Variants in SUPT3H observed in about 807,000 individuals in gnomAD.
The protein encoded by SUPT3H is transcription initiation protein SPT3 homolog.
In SUPT3H, 44 loss-of-function variants were observed where a neutral mutation model predicts 44.3. The ratio of observed to expected loss-of-function variants is 0.99; its 90% CI spans 0.78 to 1.28. The LOEUF (loss-of-function observed/expected upper bound fraction) is 1.28. SUPT3H is among the 50% of genes most tolerant of loss of function. SUPT3H has a pLI of 0.00. For missense variants in SUPT3H, 380 were observed against 387.1 expected (o/e 0.98, Z 0.15); for synonymous variants, 124 against 125.6 (o/e 0.99, Z 0.09).
chr6:44,955,892 G>A (rs1372620086), intron 7 of SUPT3H, among the ~76,000 whole-genome samples: 2 of 151,896 alleles, frequency 1.3e-5, no homozygotes, highest in African/African-American at 4.8e-5. Context: ...AGGCCGACGC[G>A]GGCCGATCAC....
chr6:45,037,386 T>C (rs1319285161), intron 3 of SUPT3H, among the ~76,000 whole-genome samples: 2 of 151,500 alleles, frequency 1.3e-5, no homozygotes, highest in Non-Finnish European at 2.9e-5. Context: ...CAGTGGCTCA[T>C]GTCTGTAATC....
chr6:44,956,243 G>A (rs537090709), intron 7 of SUPT3H, among the ~76,000 whole-genome samples: 1 of 151,786 alleles, frequency 6.6e-6, no homozygotes, highest in Non-Finnish European at 1.5e-5. Context: ...CCAGCACTTC[G>A]GAAGGCCAAG....
chr6:44,938,612 T>C (rs1487301493), intron 9 of SUPT3H, among the ~76,000 whole-genome samples: 1 of 152,080 alleles, frequency 6.6e-6, no homozygotes, highest in African/African-American at 2.4e-5. Flanking sequence ...CTGTAAAAGA[T>C]GGGGTTGGTA....
At position 44,878,225 on chromosome 6, in the gene SUPT3H, G is replaced by T. The variant is rs375520010; in HGVS notation, c.913-48368C>A. Among the ~76,000 whole-genome samples the T allele has an allele frequency of 6.6e-5, 10 of 152,260 alleles. No homozygotes were observed. The East Asian group carries it at 1.2e-3, about 18-fold the overall frequency. On this transcript the variant is annotated intron_variant, in intron 10 of 10. Coordinates refer to ENST00000371459, the MANE Select transcript of SUPT3H (RefSeq NM_003599.4). Reference sequence around the variant, plus strand: ...GCAGTGTTGTAACAAGGTTTTATTTGAAATTGTTTTCTAAAATGTGATGCA... The same window carrying T: ...GCAGTGTTGTAACAAGGTTTTATTTTAAATTGTTTTCTAAAATGTGATGCA...
chr6:45,179,061 C>T (rs879365983), intron 2 of SUPT3H, among the ~76,000 whole-genome samples: 93 of 152,136 alleles, frequency 6.1e-4, no homozygotes, highest in Non-Finnish European at 1.0e-3. Context: ...CCACCGATCC[C>T]ACAGAAATAC....
intron 5 of SUPT3H, among the ~76,000 whole-genome samples, chr6:45,010,718 C>T (rs1176956861): frequency 1.3e-5 from 2 of 152,010 alleles, no homozygotes; most frequent in African/African-American, 4.8e-5. Flanking sequence ...CTCAGAAATG[C>T]CCTAATCATA....
chr6:44,964,055 C>T (rs768142554), intron 6 of SUPT3H, among the ~76,000 whole-genome samples: 1 of 151,914 alleles, frequency 6.6e-6, no homozygotes, highest in South Asian at 2.1e-4. Flanking sequence ...ACTGATAATA[C>T]TAACGTTAAT....
chr6:45,346,007 T>C (rs16873348), intron 2 of SUPT3H, among the ~76,000 whole-genome samples: 17,216 of 152,094 alleles, frequency 0.11, 1,371 homozygotes, highest in East Asian at 0.26. Context: ...TACCTACAAA[T>C]CTCTACAGGG....
intron 11 of SUPT3H, among the ~76,000 whole-genome samples, chr6:44,819,498 T>C (rs1767130672): frequency 7.1e-6 from 1 of 140,676 alleles, no homozygotes; most frequent in African/African-American, 2.6e-5. Context: ...TTTTTTTTTT[T>C]TAAAGAAACA....
chr6:44,960,435 A>G (rs1775856168), intron 7 of SUPT3H, among the ~76,000 whole-genome samples: 2 of 150,438 alleles, frequency 1.3e-5, no homozygotes, highest in Non-Finnish European at 3.0e-5. Flanking sequence ...AAAAAAAAAA[A>G]GAACAAAAGC....
chr6:44,848,132 A>ATT (rs71536341), intron 10 of SUPT3H, among the ~76,000 whole-genome samples: 15 of 148,726 alleles, frequency 1.0e-4, no homozygotes, highest in East Asian at 2.0e-4. Context: ...CACTCAGCTA[A>ATT]TTTTTTTTTG....
At chr6:44,867,439 C>T (rs1775690417) in intron 10 of SUPT3H, among the ~76,000 whole-genome samples, 1 of 152,158 alleles carries the variant, frequency 6.6e-6, no homozygotes, top group Admixed American at 6.5e-5. Flanking sequence ...TAAAGGGCTA[C>T]CAAATATTCA....
chr6:44,935,949 G>C (rs912106134), intron 9 of SUPT3H, among the ~76,000 whole-genome samples: 1 of 152,158 alleles, frequency 6.6e-6, no homozygotes, highest in Admixed American at 6.5e-5. Context: ...ACCAGAGTGA[G>C]TGTTTAAGAA....
At position 45,133,545 on chromosome 6, in the gene SUPT3H, T is replaced by C. The variant is rs76804877; in HGVS notation, c.102-27539A>G. The stretch of plus-strand genomic sequence containing the variant: ...TGCCATTTCCCCAAAAATATAAAGC[T>C]TGACAAAACTGAAAAACAACAACAA... On this transcript the variant is annotated intron_variant, in intron 2 of 10. Coordinates refer to ENST00000371459, the MANE Select transcript of SUPT3H (RefSeq NM_003599.4). Among the ~76,000 whole-genome samples the C allele has an allele frequency of 9.8e-3, 1,486 of 152,210 alleles. 12 individuals are homozygous for C. Among genetic ancestry groups the C allele is most frequent in the Non-Finnish European group, 0.015 (1,032 of 68,020 alleles).
At chr6:44,985,317 A>C (rs1373644247) in intron 6 of SUPT3H, among the ~76,000 whole-genome samples, 2 of 152,054 alleles carry the variant, frequency 1.3e-5, no homozygotes. Flanking sequence ...GGATCGCTTG[A>C]GCTCAGTTCA....
intron 10 of SUPT3H, among the ~76,000 whole-genome samples, chr6:44,889,268 T>C (rs1165385547): frequency 6.6e-6 from 1 of 151,940 alleles, no homozygotes; most frequent in African/African-American, 2.4e-5. Context: ...AAACACTACT[T>C]TAAAGTTCAT....
At chr6:45,178,797 A>G (rs1223435680) in intron 2 of SUPT3H, among the ~76,000 whole-genome samples, 1 of 152,178 alleles carries the variant, frequency 6.6e-6, no homozygotes, top group Non-Finnish European at 1.5e-5. Context: ...AAACTGAACA[A>G]CCTGCTCCTG....
chr6:44,836,372 T>A lies in SUPT3H; in HGVS notation c.913-6515A>T, dbSNP rs1429634756. On this transcript the variant is annotated intron_variant, in intron 10 of 10. Coordinates refer to ENST00000371459, the MANE Select transcript of SUPT3H (RefSeq NM_003599.4). ...TACTTGCCCTATGTTATAAATATCC[T>A]GTCAGAAGCAGAGCCCTGATTTAAC... Among the ~76,000 whole-genome samples, 3 of 152,192 alleles carry A rather than the reference T, an allele frequency of 2.0e-5. No individual in the cohort carries two copies. The East Asian group carries it at 5.8e-4, about 29-fold the overall frequency.
In SUPT3H at chr6:44,910,704, A is replaced by T. The variant is rs868135418; in HGVS notation, c.912+21949T>A. Reference sequence around the variant, plus strand: ...TGTATTTTCTTTCAAATTAAAAAAAAAAAAGGGGGCCAGGCATGGTGGCTC... The same window carrying T: ...TGTATTTTCTTTCAAATTAAAAAAATAAAAGGGGGCCAGGCATGGTGGCTC... On this transcript the variant is annotated intron_variant, in intron 10 of 10. Transcript: ENST00000371459. Among the ~76,000 whole-genome samples, 991 of 152,072 alleles carry T rather than the reference A, an allele frequency of 6.5e-3. 12 individuals are homozygous for T. Among genetic ancestry groups the T allele is most frequent in the African/African-American group, 0.023 (936 of 41,514 alleles).
Sources: allele counts gnomAD v4.1 joint callset (sites outside exome capture counted in the v4.1 genomes callset), GRCh38; gene constraint gnomAD v4.1.1; transcripts MANE v1.5; gene names NCBI Gene and HGNC (gene_info 2026-07-23, HGNC 2026-07-21).